DPP10: variants seen among roughly 807,000 people sequenced by gnomAD.
The protein encoded by DPP10 is dipeptidyl peptidase like 10.
In DPP10, 33 loss-of-function variants were observed where a neutral mutation model predicts 120.9. The observed-to-expected ratio is 0.27, with a 90% CI of 0.21 to 0.37. DPP10 has a LOEUF of 0.37. DPP10 is among the 10% of genes least tolerant of loss of function. DPP10 has a pLI of 1.00. For synonymous variants in DPP10, 337 were observed against 326.1 expected, an observed-to-expected ratio of 1.03 and a Z score of -0.36; for missense variants, 816 against 942.8, an observed-to-expected ratio of 0.87 and a Z score of 1.76.
At chr2:115,152,339 T>C (rs1374454072) in intron 1 of DPP10, among the ~76,000 whole-genome samples, 1 of 152,264 alleles carries the variant, frequency 6.6e-6, no homozygotes, top group Non-Finnish European at 1.5e-5. Flanking sequence ...GCCTCTGGGC[T>C]ACAATTTGCC....
intron 1 of DPP10, among the ~76,000 whole-genome samples, chr2:115,168,207 A>G (rs2053052088): frequency 1.3e-5 from 2 of 152,164 alleles, no homozygotes; most frequent in East Asian, 1.9e-4. Flanking sequence ...TTAAACACAC[A>G]TGTATGCTCC....
chr2:115,590,885 T>C (rs1336318369), intron 5 of DPP10, among the ~76,000 whole-genome samples: 2 of 152,224 alleles, frequency 1.3e-5, no homozygotes, highest in African/African-American at 2.4e-5. Context: ...TGGTATCTCA[T>C]TGTGGTTTTG....
At chr2:114,734,681 A>T (rs940707190) in intron 1 of DPP10, among the ~76,000 whole-genome samples, 8 of 152,200 alleles carry the variant, frequency 5.3e-5, no homozygotes, top group Middle Eastern at 3.4e-3. Context: ...ACAGAGTTTG[A>T]CTCTTTTTGT....
At chr2:114,878,365 G>A (rs905762706) in intron 1 of DPP10, among the ~76,000 whole-genome samples, 3 of 152,002 alleles carry the variant, frequency 2.0e-5, no homozygotes. Flanking sequence ...CATACAAAGT[G>A]TAATAATCAA....
intron 1 of DPP10, among the ~76,000 whole-genome samples, chr2:114,501,068 A>G (rs913587854): frequency 5.3e-5 from 8 of 152,162 alleles, no homozygotes; most frequent in African/African-American, 1.9e-4. Context: ...CTAATGAATG[A>G]CCCCAGGTCT....
intron 19 of DPP10, among the ~76,000 whole-genome samples, chr2:115,802,975 C>A (rs1468052855): frequency 6.6e-6 from 1 of 152,122 alleles, no homozygotes; most frequent in Non-Finnish European, 1.5e-5. Context: ...AGTTCAATTT[C>A]TGGATATCCT....
intron 1 of DPP10, among the ~76,000 whole-genome samples, chr2:114,784,317 A>G (rs535444777): frequency 6.6e-6 from 1 of 152,248 alleles, no homozygotes; most frequent in African/African-American, 2.4e-5. Context: ...GTAAGAAACA[A>G]CAGCATCTGT....
chr2:114,978,158 A>C (rs75842284), intron 1 of DPP10, among the ~76,000 whole-genome samples: 2,533 of 152,326 alleles, frequency 0.017, 32 homozygotes, highest in Non-Finnish European at 0.027. Context: ...AACGTTAATC[A>C]GTAAAGTTTC....
chr2:114,860,117 T>TA (rs1328095969), intron 1 of DPP10, among the ~76,000 whole-genome samples: 8 of 152,214 alleles, frequency 5.3e-5, no homozygotes, highest in African/African-American at 1.9e-4. Context: ...CCTGGCTTTT[T>TA]ATCCCAACCT....
intron 1 of DPP10, chr2:115,131,132 A>G (rs1298780015): frequency 6.6e-6 from 1 of 152,256 alleles, no homozygotes; most frequent in Non-Finnish European, 1.5e-5. Context: ...AAGGATAGAA[A>G]GGTGAGTAAT....
chr2:115,828,425 TG>T (rs1465405730), intron 21 of DPP10, among the ~76,000 whole-genome samples: 1 of 152,170 alleles, frequency 6.6e-6, no homozygotes, highest in African/African-American at 2.4e-5. Context: ...TTAACAAATT[TG>T]GAAATTTTTT....
intron 5 of DPP10, among the ~76,000 whole-genome samples, chr2:115,679,631 G>A (rs2090512171): frequency 1.3e-5 from 2 of 152,106 alleles, no homozygotes; most frequent in Admixed American, 1.3e-4. Context: ...AAAAATTGTG[G>A]TATAAATATA....
At chr2:115,227,878 T>A (rs1347325389) in intron 1 of DPP10, among the ~76,000 whole-genome samples, 1 of 151,784 alleles carries the variant, frequency 6.6e-6, no homozygotes, top group African/African-American at 2.4e-5. Flanking sequence ...TGTGGGTACA[T>A]AATAGTTGTA....
chr2:115,674,398 TA>T (rs2090123374), intron 5 of DPP10, among the ~76,000 whole-genome samples: 1 of 151,840 alleles, frequency 6.6e-6, no homozygotes, highest in Admixed American at 6.6e-5. Flanking sequence ...TTTTTTTTTT[TA>T]AGATTTTTTT....
chr2:115,036,646 C>T (rs1041399560), intron 1 of DPP10, among the ~76,000 whole-genome samples: 1 of 152,052 alleles, frequency 6.6e-6, no homozygotes, highest in Non-Finnish European at 1.5e-5. Context: ...TTTAAGTGCT[C>T]GCCAGTTAAA....
chr2:114,873,137 C>T lies in DPP10; in HGVS notation c.60+430299C>T, dbSNP rs186915906. The stretch of plus-strand genomic sequence containing the variant: ...TGAGAGCATCATTCTTAATGGCTAA[C>T]CACATTGCTAAAGTAAAGAAGTCCT... On this transcript the variant is annotated intron_variant, in intron 1 of 25. Transcript: ENST00000410059. Among the ~76,000 whole-genome samples, 10 of 152,292 alleles carry T rather than the reference C, an allele frequency of 6.6e-5. 2 individuals carry two copies. Among genetic ancestry groups the T allele is most frequent in the African/African-American group, 2.4e-4 (10 of 41,566 alleles).
chr2:114,841,868 G>A (rs546188010), intron 1 of DPP10, among the ~76,000 whole-genome samples: 8 of 151,998 alleles, frequency 5.3e-5, no homozygotes, highest in South Asian at 2.1e-4. Flanking sequence ...GGAGACACCC[G>A]GCACTCATGC....
At chr2:115,791,655 A>G (rs1684004312) in intron 19 of DPP10, among the ~76,000 whole-genome samples, 1 of 152,170 alleles carries the variant, frequency 6.6e-6, no homozygotes, top group Non-Finnish European at 1.5e-5. Flanking sequence ...TGCGCTCTTT[A>G]TCAGTTGTTT....
At chr2:115,183,207 A>G (rs368084934) in intron 1 of DPP10, among the ~76,000 whole-genome samples, 1 of 152,098 alleles carries the variant, frequency 6.6e-6, no homozygotes, top group East Asian at 1.9e-4. Context: ...ATGGTTTTGT[A>G]CTCCAAAATG....
Sources: allele counts gnomAD v4.1 joint callset (sites outside exome capture counted in the v4.1 genomes callset), GRCh38; gene constraint gnomAD v4.1.1; transcripts MANE v1.5; gene names NCBI Gene and HGNC (gene_info 2026-07-23, HGNC 2026-07-21).